DNAJC5B: variants seen among roughly 807,000 people sequenced by gnomAD.
DNAJC5B encodes the protein dnaJ homolog subfamily C member 5B.
A neutral mutation model predicts 24.7 loss-of-function variants in DNAJC5B; 23 were observed. The ratio of observed to expected loss-of-function variants is 0.93; its 90% CI spans 0.67 to 1.32. The LOEUF (loss-of-function observed/expected upper bound fraction) is 1.32, where lower values mean the gene tolerates loss of function less well. Ranked by LOEUF, DNAJC5B falls within the 40% of genes most tolerant of loss-of-function variation. The probability of loss-of-function intolerance (pLI) is 0.00; values close to 1 mark genes in which losing one functional copy is unlikely to be tolerated. For missense variants in DNAJC5B, 238 were observed against 240.8 expected, an observed-to-expected ratio of 0.99 and a Z score of 0.08; for synonymous variants, 101 against 90.1, an observed-to-expected ratio of 1.12 and a Z score of -0.68.
At chr8:66,082,725 T>C (rs6999303) in intron 5 of DNAJC5B, among the ~76,000 whole-genome samples, 84 of 152,226 alleles carry the variant, frequency 5.5e-4, no homozygotes, top group African/African-American at 2.0e-3. Context: ...GACTTGAAAT[T>C]TACACAATTT....
intron 1 of DNAJC5B, among the ~76,000 whole-genome samples, chr8:66,024,319 A>C (rs1030864194): frequency 6.6e-6 from 1 of 151,940 alleles, no homozygotes; most frequent in African/African-American, 2.4e-5. Flanking sequence ...ATACTGAGTA[A>C]TTTTACACAC....
upstream of DNAJC5B, among the ~76,000 whole-genome samples, chr8:66,020,552 T>C (rs1806084992): frequency 6.6e-6 from 1 of 151,184 alleles, no homozygotes; most frequent in Non-Finnish European, 1.5e-5. Flanking sequence ...TCCCTGTCCC[T>C]TACTCAACAC....
chr8:66,046,208 A>G (rs1200138585), intron 2 of DNAJC5B, among the ~76,000 whole-genome samples: 2 of 152,138 alleles, frequency 1.3e-5, no homozygotes. Context: ...TGCATAACCC[A>G]CACATTCCTC....
At chr8:66,088,372 T>G (rs4262310) in intron 5 of DNAJC5B, among the ~76,000 whole-genome samples, 54,654 of 151,972 alleles carry the variant, frequency 0.36, 13,873 homozygotes, top group African/African-American at 0.71. Context: ...TGATGGGAGG[T>G]CCTTCTGTGA....
At chr8:66,063,691 G>A (rs187920099) in intron 3 of DNAJC5B, among the ~76,000 whole-genome samples, 20 of 152,190 alleles carry the variant, frequency 1.3e-4, no homozygotes, top group Admixed American at 7.8e-4. Context: ...ATTACGATCC[G>A]TAACTTTTTC....
chr8:66,088,037 G>A (rs1240462789), intron 5 of DNAJC5B, among the ~76,000 whole-genome samples: 1 of 152,220 alleles, frequency 6.6e-6, no homozygotes, highest in Non-Finnish European at 1.5e-5. Context: ...CCCCAGCAGA[G>A]GCTCTCCATG....
upstream of DNAJC5B, among the ~76,000 whole-genome samples, chr8:66,016,605 G>A (rs1040679258): frequency 2.6e-5 from 4 of 152,174 alleles, no homozygotes; most frequent in African/African-American, 9.7e-5. Flanking sequence ...AATACAATGA[G>A]TGATTTAGTC....
intron 2 of DNAJC5B, among the ~76,000 whole-genome samples, chr8:66,048,345 T>C (rs1019975282): frequency 4.6e-5 from 7 of 152,240 alleles, no homozygotes; most frequent in Non-Finnish European, 8.8e-5. Flanking sequence ...GTGTCAGCTT[T>C]CTGCCATGTT....
intron 2 of DNAJC5B, among the ~76,000 whole-genome samples, chr8:66,046,690 G>T (rs748576571): frequency 6.6e-6 from 1 of 152,208 alleles, no homozygotes; most frequent in Non-Finnish European, 1.5e-5. Context: ...GCCCCTCGGG[G>T]GCTACAGGCT....
At chr8:66,069,847 A>G (rs192531345) in intron 3 of DNAJC5B, among the ~76,000 whole-genome samples, 4 of 152,356 alleles carry the variant, frequency 2.6e-5, no homozygotes, top group African/African-American at 9.6e-5. Flanking sequence ...AGCACATCAA[A>G]AGGCTTGTCC....
upstream of DNAJC5B, chr8:66,021,441 G>A (rs1447481510): frequency 5.9e-5 from 9 of 152,302 alleles, no homozygotes; most frequent in Admixed American, 5.9e-4. Flanking sequence ...AGGAGAGGAA[G>A]TGTTGTCCAA....
At chr8:66,033,910 G>A (rs867587288) in intron 1 of DNAJC5B, among the ~76,000 whole-genome samples, 12 of 152,086 alleles carry the variant, frequency 7.9e-5, no homozygotes, top group African/African-American at 2.9e-4. Flanking sequence ...AGATGTGGGA[G>A]CTCGTTCTGG....
At position 66,099,971 on chromosome 8, in the gene DNAJC5B, T is replaced by C; in HGVS notation, c.540T>C (p.Asn180=). 13 of 1,614,018 alleles carry C rather than the reference T, an allele frequency of 8.1e-6. No homozygotes were observed. The highest frequency in any genetic ancestry group is 1.1e-5 in the Non-Finnish European group (13 of 1,179,928). Residue 180 remains asparagine, a synonymous_variant, in exon 6 of 6, where the codon AAT becomes AAC. Coordinates refer to ENST00000276570, the MANE Select transcript of DNAJC5B (RefSeq NM_033105.6). ...VDFPVFLQPT[N]ANEKTQLIKE... is the part of the protein sequence containing the mutation. ...TTCCAGTTTTTCTCCAGCCTACAAA[T>C]GCAAATGAGAAAACACAGCTAATCA...
chr8:66,045,625 AAGAC>A (rs1293607105), intron 2 of DNAJC5B, among the ~76,000 whole-genome samples: 1 of 151,626 alleles, frequency 6.6e-6, no homozygotes, highest in Non-Finnish European at 1.5e-5. Context: ...GGGGCAGAGA[AAGAC>A]AGGCTCCAGG....
At chr8:66,059,368 T>C (rs1179788040) in intron 3 of DNAJC5B, among the ~76,000 whole-genome samples, 1 of 152,226 alleles carries the variant, frequency 6.6e-6, no homozygotes, top group Non-Finnish European at 1.5e-5. Flanking sequence ...GAAGAAGTCA[T>C]CCATCATTCA....
chr8:66,015,076 A>G, the DNAJC5B span, among the ~76,000 whole-genome samples: 1 of 152,214 alleles, frequency 6.6e-6, no homozygotes, highest in African/African-American at 2.4e-5. Flanking sequence ...TAAGCCAGAA[A>G]CACAGCTGGA....
chr8:66,075,378 G>A lies in DNAJC5B; in HGVS notation c.120-1282G>A, dbSNP rs117453245. ...AGACATGATATCTTTGGAACCATGG[G>A]GGGGGAAATGCTGCAATTCCTATTT... On this transcript the variant is annotated intron_variant, in intron 3 of 5. Transcript: ENST00000276570. 1.9e-3 allele frequency among the ~76,000 whole-genome samples: 283 copies of A among 152,216 alleles called. 6 individuals carry two copies. The East Asian group carries it at 0.045, about 24-fold the overall frequency.
intron 3 of DNAJC5B, among the ~76,000 whole-genome samples, chr8:66,061,369 T>G (rs968480548): frequency 6.6e-6 from 1 of 152,158 alleles, no homozygotes; most frequent in East Asian, 1.9e-4. Context: ...ATAAGTAAAG[T>G]GCAGATAATG....
At chr8:66,046,019 A>C (rs1806715453) in intron 2 of DNAJC5B, among the ~76,000 whole-genome samples, 1 of 151,990 alleles carries the variant, frequency 6.6e-6, no homozygotes, top group African/African-American at 2.4e-5. Flanking sequence ...GGGAATGGAG[A>C]GGTGGTAGGA....
Sources: gnomAD v4.1 joint callset for allele counts (sites outside exome capture counted in the v4.1 genomes callset) on GRCh38, gnomAD v4.1.1 for gene constraint, MANE v1.5 for transcripts, NCBI Gene and HGNC (gene_info 2026-07-23, HGNC 2026-07-21) for gene names.